The following AFF3 variants were observed in gnomAD, a reference collection of about 807,000 sequenced individuals.
AFF3 encodes AF4/FMR2 family member 3.
Under a neutral mutation model 129.7 loss-of-function variants are expected in AFF3, and 32 were observed. The ratio of observed to expected loss-of-function variants is 0.25; its 90% CI spans 0.19 to 0.33. The LOEUF (loss-of-function observed/expected upper bound fraction) is 0.33, where lower values mean the gene tolerates loss of function less well. Among genes scored for constraint, AFF3 ranks in the 10% least tolerant of loss-of-function variants. The probability of loss-of-function intolerance (pLI) is 1.00; values close to 1 mark genes in which losing one functional copy is unlikely to be tolerated. For missense variants in AFF3, 1,373 were observed against 1,592.0 expected, an observed-to-expected ratio of 0.86 and a Z score of 2.34; for synonymous variants, 644 against 635.4, an observed-to-expected ratio of 1.01 and a Z score of -0.20.
At chr2:100,000,171 A>C (rs1681247897) in intron 7 of AFF3, among the ~76,000 whole-genome samples, 1 of 152,240 alleles carries the variant, frequency 6.6e-6, no homozygotes, top group African/African-American at 2.4e-5. Flanking sequence ...ATCTGTCTCA[A>C]CAAGTCATTC....
chr2:99,657,442 C>T lies in AFF3; in HGVS notation c.1144-7776G>A, dbSNP rs529832361. Among the ~76,000 whole-genome samples, 11 of 152,210 alleles carry T rather than the reference C, an allele frequency of 7.2e-5. No individual in the cohort carries two copies. In the South Asian group the frequency reaches 2.3e-3, roughly 32 times the overall value. Reference sequence around the variant, plus strand: ...TCATGACAATTTTATTTTTGGCTTCCCAAGTTCCTTAAAAGAACATTGATG... The same window carrying T: ...TCATGACAATTTTATTTTTGGCTTCTCAAGTTCCTTAAAAGAACATTGATG... On this transcript the variant is annotated intron_variant, in intron 12 of 24. Coordinates refer to ENST00000672756, the MANE Select transcript of AFF3 (RefSeq NM_001386135.1).
At chr2:99,964,579 C>A (rs1677552928) in intron 7 of AFF3, among the ~76,000 whole-genome samples, 1 of 152,048 alleles carries the variant, frequency 6.6e-6, no homozygotes, top group Non-Finnish European at 1.5e-5. Flanking sequence ...AAAAATACAA[C>A]ACATCAAAAT....
At chr2:99,725,970 T>G (rs1342514250) in intron 11 of AFF3, among the ~76,000 whole-genome samples, 2 of 152,242 alleles carry the variant, frequency 1.3e-5, no homozygotes, top group African/African-American at 4.8e-5. Context: ...TCTACCCTTT[T>G]CAGTTCTCTA....
intron 17 of AFF3, among the ~76,000 whole-genome samples, chr2:99,581,164 G>A (rs895915958): frequency 2.4e-4 from 37 of 152,162 alleles, no homozygotes; most frequent in Admixed American, 2.4e-3. Context: ...AGTACTTACC[G>A]AATGAGCACC....
At chr2:100,003,379 A>G (rs536452187) in intron 7 of AFF3, among the ~76,000 whole-genome samples, 77 of 152,340 alleles carry the variant, frequency 5.1e-4, no homozygotes, top group African/African-American at 1.8e-3. Context: ...GCTGTGCCCT[A>G]GAACATTCTA....
chr2:99,858,885 AC>A lies in AFF3; in HGVS notation c.874-21362del, dbSNP rs1366311531. 3.9e-5 allele frequency among the ~76,000 whole-genome samples: 6 copies of A among 152,206 alleles called. No individual in the cohort carries two copies. The East Asian group carries it at 1.2e-3, about 29-fold the overall frequency. On this transcript the variant is annotated intron_variant, in intron 7 of 24. Transcript: ENST00000672756. ...GCCTGTGTAATAAACCTGCACTTGT[AC>A]CCCTGAACTTAAAAGTTAAATAAAA... is the stretch of plus-strand genomic sequence containing the variant.
intron 4 of AFF3, among the ~76,000 whole-genome samples, chr2:100,036,295 T>C (rs1041521773): frequency 8.6e-5 from 13 of 152,036 alleles, no homozygotes; most frequent in African/African-American, 3.1e-4. Context: ...ATCCTAGCAT[T>C]GCCCACACGT....
intron 7 of AFF3, among the ~76,000 whole-genome samples, chr2:99,874,369 G>A (rs1466180210): frequency 6.6e-6 from 1 of 152,156 alleles, no homozygotes; most frequent in South Asian, 2.1e-4. Context: ...GACACCAAGA[G>A]ACAGAAGAGA....
At chr2:99,727,268 G>T in intron 10 of AFF3, 140 bp from the exon 11 acceptor site, 2 of 866,884 alleles carry the variant, frequency 2.3e-6, no homozygotes, top group Non-Finnish European at 3.4e-6. Context: ...ATCTTTTATT[G>T]TCTGAGAACC....
chr2:99,809,432 T>C (rs186994305), intron 8 of AFF3, among the ~76,000 whole-genome samples: 243 of 152,284 alleles, frequency 1.6e-3, no homozygotes, highest in African/African-American at 5.4e-3. Context: ...CACACATACA[T>C]TAGCTCATTT....
chr2:99,635,333 C>T (rs1307824983), intron 13 of AFF3, among the ~76,000 whole-genome samples: 1 of 152,000 alleles, frequency 6.6e-6, no homozygotes, highest in Non-Finnish European at 1.5e-5. Flanking sequence ...GGTCTTGCTG[C>T]ATCACTCAGG....
At chr2:100,041,969 T>C (rs2105059542) in intron 4 of AFF3, among the ~76,000 whole-genome samples, 1 of 152,202 alleles carries the variant, frequency 6.6e-6, no homozygotes, top group East Asian at 1.9e-4. Context: ...CCTACATGGC[T>C]TCCCCATGCA....
At chr2:99,589,621 G>A (rs1202117966) in intron 15 of AFF3, among the ~76,000 whole-genome samples, 1 of 151,902 alleles carries the variant, frequency 6.6e-6, no homozygotes, top group Non-Finnish European at 1.5e-5. Flanking sequence ...GGATGGTCTC[G>A]ATCTCTTGAT....
chr2:100,066,290 A>T (rs959258543), intron 4 of AFF3, among the ~76,000 whole-genome samples: 1 of 152,224 alleles, frequency 6.6e-6, no homozygotes, highest in Non-Finnish European at 1.5e-5. Flanking sequence ...ATTAAGCTAT[A>T]AAATAGTACT....
chr2:99,635,725 C>A (rs918660995), intron 13 of AFF3, among the ~76,000 whole-genome samples: 2 of 152,174 alleles, frequency 1.3e-5, no homozygotes, highest in African/African-American at 4.8e-5. Flanking sequence ...GCTCTACCCC[C>A]TACTGTGTTC....
intron 7 of AFF3, among the ~76,000 whole-genome samples, chr2:99,981,097 C>A (rs886678604): frequency 2.6e-5 from 4 of 152,236 alleles, no homozygotes; most frequent in Non-Finnish European, 5.9e-5. Context: ...CTCACTGCTG[C>A]AACCTCCACC....
intron 7 of AFF3, among the ~76,000 whole-genome samples, chr2:99,976,551 A>G (rs1365601312): frequency 6.6e-6 from 1 of 152,200 alleles, no homozygotes; most frequent in East Asian, 1.9e-4. Flanking sequence ...AATCCTTACT[A>G]AAGAATCTTG....
intron 7 of AFF3, among the ~76,000 whole-genome samples, chr2:99,940,301 G>A (rs928490157): frequency 6.6e-6 from 1 of 152,200 alleles, no homozygotes; most frequent in Non-Finnish European, 1.5e-5. Flanking sequence ...TATCCTCACA[G>A]TGTCAGAGGC....
intron 10 of AFF3, among the ~76,000 whole-genome samples, chr2:99,734,517 G>A (rs1680094667): frequency 6.6e-6 from 1 of 152,024 alleles, no homozygotes; most frequent in Admixed American, 6.6e-5. Flanking sequence ...TTTTTTGGCA[G>A]ATACTGTTAT....
Sources: allele counts gnomAD v4.1 joint callset (sites outside exome capture counted in the v4.1 genomes callset), GRCh38; gene constraint gnomAD v4.1.1; transcripts MANE v1.5; gene names NCBI Gene and HGNC (gene_info 2026-07-23, HGNC 2026-07-21).